The following DNAH10 variants were observed in gnomAD, a reference collection of about 807,000 sequenced individuals.
DNAH10 encodes the protein dynein axonemal heavy chain 10.
DNAH10 carries 348 observed loss-of-function variants against 506.6 expected under a neutral mutation model. The observed-to-expected ratio is 0.69, with a 90% CI of 0.63 to 0.75. DNAH10 has a LOEUF of 0.75. DNAH10 is among the 30% of genes least tolerant of loss of function. The pLI is 0.00. For synonymous variants in DNAH10, 2,059 were observed against 2,198.6 expected (o/e 0.94, Z 1.78); for missense variants, 5,179 against 5,787.1 (o/e 0.89, Z 3.41).
intron 54 of DNAH10, among the ~76,000 whole-genome samples, chr12:123,896,067 T>C (rs7303634): frequency 0.53 from 79,615 of 148,960 alleles, 22,636 homozygotes; most frequent in African/African-American, 0.75. Flanking sequence ...GAGCCGAGTT[T>C]GTGCCACTGC....
In DNAH10 at chr12:123,781,112, C is replaced by G; in HGVS notation, c.654C>G (p.His218Gln). ...VFLPALSFNQ[H>Q]RTSTTVGVTS... ...TGCCAGCATTGTCCTTCAATCAGCACAGGACGAGTACAACCGTGGGAGTCA... is the reference window on the plus strand; with the variant it reads ...TGCCAGCATTGTCCTTCAATCAGCAGAGGACGAGTACAACCGTGGGAGTCA... The change falls in exon 6 of 79, where the codon CAC becomes CAG. Residue 218 changes from histidine to glutamine, a missense_variant. Around this residue, in one of 3 missense-constraint regions of DNAH10, gnomAD observed 326 missense variants for 330.8 expected, o/e 0.99. Coordinates refer to ENST00000673944, the MANE Select transcript of DNAH10 (RefSeq NM_001372106.1). The G allele has an allele frequency of 2.5e-6, 4 of 1,613,626 alleles. No individual in the cohort carries two copies. The highest frequency in any genetic ancestry group is 3.4e-6 in the Non-Finnish European group (4 of 1,179,842).
rs769236329 is a variant in DNAH10 at position 123,787,660 on chromosome 12, C to T, written c.1422-144C>T. ...ACATGGGACAGGGCAGCCGCTTGCC[C>T]GCTCTGCCTTTTCCGATGAGGCCGT... On this transcript the variant is annotated intron_variant, in intron 9 of 78. Coordinates refer to ENST00000673944, the MANE Select transcript of DNAH10 (RefSeq NM_001372106.1). The surrounding 1 kb of genome is among the most constrained non-coding windows in gnomAD (Gnocchi z 4.6). 28 of 965,182 alleles carry T rather than the reference C, an allele frequency of 2.9e-5. No individual in the cohort carries two copies. The highest frequency in any genetic ancestry group is 4.3e-5 in the Non-Finnish European group (28 of 650,458). The allele number at this position is 965,182 out of a possible 1,614,324, so 59.8% of individuals were successfully genotyped here.
chr12:123,772,769 T>A, intron 3 of DNAH10, 65 bp from the exon 4 acceptor site: 1 of 1,222,954 alleles, frequency 8.2e-7, no homozygotes, highest in Non-Finnish European at 1.2e-6. Context: ...TGTACTTGAA[T>A]ATTAGGTTCT....
chr12:123,867,789 GT>G, intron 42 of DNAH10, 113 bp from the exon 43 acceptor site: 1 of 1,337,898 alleles, frequency 7.5e-7, no homozygotes, highest in Non-Finnish European at 1.0e-6. Context: ...GAACCAACAT[GT>G]TGGGTCTTAT....
At chr12:123,778,922 C>T (rs569139803) in intron 5 of DNAH10, among the ~76,000 whole-genome samples, 4 of 148,090 alleles carry the variant, frequency 2.7e-5, no homozygotes, top group South Asian at 2.1e-4. Context: ...TTTTTTGAGG[C>T]GGAGTCTCAC....
At position 123,771,630 on chromosome 12, in the gene DNAH10, C is replaced by G. The variant is rs1957256320; in HGVS notation, c.328C>G (p.Leu110Val). Residue 110 changes from leucine (L) to valine (V), a missense_variant, in exon 3 of 79, where the codon CTA (leucine) becomes GTA (valine). Leu to Val is a conservative substitution (Grantham distance 32). Around this residue, in one of 3 missense-constraint regions of DNAH10, gnomAD observed 326 missense variants for 330.8 expected, o/e 0.99. Transcript: ENST00000673944. The stretch of plus-strand genomic sequence containing the variant: ...GCGTGTGTCACTGAGAACCGAATCT[C>G]TAGGCCAACCTCTAAACAGAGAGGA... ...AKRVSLRTES[L>V]GQPLNREDEE... 6.2e-7 allele frequency: 1 copy of G among 1,613,588 alleles called. No individual in the cohort carries two copies. The highest frequency in any genetic ancestry group is 1.7e-5 in the Admixed American group (1 of 59,946).
At chr12:123,764,637 A>G (rs768041550) in intron 1 of DNAH10, among the ~76,000 whole-genome samples, 11 of 152,116 alleles carry the variant, frequency 7.2e-5, no homozygotes, top group Non-Finnish European at 1.2e-4. Flanking sequence ...TCCAGTGTGG[A>G]AGCAGAGTTC....
intron 12 of DNAH10, among the ~76,000 whole-genome samples, chr12:123,796,433 G>A (rs1191632215): frequency 6.6e-6 from 1 of 151,660 alleles, no homozygotes; most frequent in African/African-American, 2.4e-5. Context: ...CTCCAGCCTG[G>A]GCAACAGCGC....
rs956156729 is a variant in DNAH10 at position 123,919,378 on chromosome 12, G to A, written c.11506+429G>A. On this transcript the variant is annotated intron_variant, in intron 65 of 78. Transcript: ENST00000673944. The surrounding 1 kb of genome is among the most constrained non-coding windows in gnomAD (Gnocchi z 4.9). ...GGTGTGAGCCATCATGCCCAGCTCC[G>A]AATGGCATTCTTGAGTCTGGCGATT... Among the ~76,000 whole-genome samples, 1 of 152,102 alleles carries A rather than the reference G, an allele frequency of 6.6e-6. No homozygotes were observed. Among genetic ancestry groups the A allele is most frequent in the African/African-American group, 2.4e-5 (1 of 41,418 alleles).
Position 123,767,927 on chromosome 12 carries a change from C to T in DNAH10, c.298+238C>T, listed in dbSNP as rs189329384. Reference sequence around the variant, plus strand: ...TGTATTCTCTCACAACTCTGGAGGCCGGAACTCCAAAATCAAGGTGCTGGC... The same window carrying T: ...TGTATTCTCTCACAACTCTGGAGGCTGGAACTCCAAAATCAAGGTGCTGGC... On this transcript the variant is annotated intron_variant, in intron 2 of 78. Transcript: ENST00000673944. 7.2e-5 allele frequency among the ~76,000 whole-genome samples: 11 copies of T among 152,268 alleles called. 1 individual carries two copies. In the East Asian group the frequency reaches 9.7e-4, roughly 13 times the overall value.
intron 52 of DNAH10, among the ~76,000 whole-genome samples, chr12:123,891,729 C>G (rs906136158): frequency 7.9e-5 from 12 of 152,146 alleles, no homozygotes; most frequent in African/African-American, 2.9e-4. Flanking sequence ...TTGAATATCC[C>G]CAAGACCATC....
Position 123,913,276 on chromosome 12 carries a change from C to T in DNAH10, c.10313C>T (p.Ala3438Val). 6.2e-7 allele frequency: 1 copy of T among 1,605,556 alleles called. No individual in the cohort carries two copies. The highest frequency in any genetic ancestry group is 1.1e-5 in the South Asian group (1 of 89,498). The change falls in exon 60 of 79, where the codon GCA becomes GTA. Residue 3438 changes from alanine (A) to valine (V), a missense_variant. Transcript: ENST00000673944. The surrounding 1 kb of genome is among the most constrained non-coding windows in gnomAD (Gnocchi z 5.1). ...AEIMERRLIA[A>V]DKLISGLGSE... is the part of the protein sequence containing the mutation. ...ATCATGGAGAGGCGGCTGATTGCCG[C>T]AGACAAACTCATCTCGGGTCTGGGG...
chr12:123,923,773 G>A lies in DNAH10; in HGVS notation c.11517G>A (p.Glu3839=), dbSNP rs78388399. The change falls in exon 66 of 79, where the codon GAG becomes GAA. Residue 3839 remains glutamate, a synonymous_variant. Transcript: ENST00000673944. ...GATGTTTCCCTCCAGGGCTGTTTGA[G>A]AGGCACAAGCTACTCTTTTCTTTTA... ...IYNHGCTGLF[E]RHKLLFSFNM... 672 of 1,607,246 alleles carry A rather than the reference G, an allele frequency of 4.2e-4. 9 individuals are homozygous for A. The East Asian group carries it at 0.013, about 31-fold the overall frequency.
At position 123,813,903 on chromosome 12, in the gene DNAH10, T is replaced by A; in HGVS notation, c.3771T>A (p.Tyr1257Ter). Reference sequence around the variant, plus strand: ...AGCGATACCGTACCATGGCAATGTATAACCTCTTTGTAAGTCAACTTGTAT... The same window carrying A: ...AGCGATACCGTACCATGGCAATGTAAAACCTCTTTGTAAGTCAACTTGTAT... ...VQERYRTMAM[Y>*]NLFPPDAEKE... Residue 1257 changes from tyrosine (Y) to a stop codon, truncating the protein, a stop_gained, in exon 21 of 79, where the codon TAT becomes TAA. Transcript: ENST00000673944. LOFTEE classifies it high-confidence loss of function. The A allele has an allele frequency of 6.3e-7, 1 of 1,583,610 alleles. No homozygotes were observed. Among genetic ancestry groups the A allele is most frequent in the Non-Finnish European group, 8.5e-7 (1 of 1,171,418 alleles).
chr12:123,891,944 T>C (rs936243552), intron 52 of DNAH10, among the ~76,000 whole-genome samples: 4 of 152,156 alleles, frequency 2.6e-5, no homozygotes, highest in African/African-American at 9.7e-5. Context: ...CAACATTGAG[T>C]TGTGGCAACT....
chr12:123,820,284 G>A (rs992116299), intron 23 of DNAH10, among the ~76,000 whole-genome samples: 1 of 152,088 alleles, frequency 6.6e-6, no homozygotes, highest in African/African-American at 2.4e-5. Context: ...TTCTCAAGGG[G>A]GCGGCAAAGG....
chr12:123,811,870 G>A (rs1160915116), intron 19 of DNAH10, among the ~76,000 whole-genome samples: 2 of 150,612 alleles, frequency 1.3e-5, no homozygotes, highest in Non-Finnish European at 3.0e-5. Context: ...ATCTCTTGAT[G>A]TCGTGATCTG....
At chr12:123,829,222 A>G (rs1260364095) in intron 25 of DNAH10, among the ~76,000 whole-genome samples, 1 of 152,134 alleles carries the variant, frequency 6.6e-6, no homozygotes, top group Non-Finnish European at 1.5e-5. Context: ...AGGAAGTAAC[A>G]GGTTCATTCT....
At chr12:123,802,187 G>A (rs570200994) in intron 16 of DNAH10, among the ~76,000 whole-genome samples, 78 of 152,336 alleles carry the variant, frequency 5.1e-4, no homozygotes, top group African/African-American at 1.8e-3. Flanking sequence ...TAGGAATAAA[G>A]CTGCTATAAA....
Sources: gnomAD v4.1 joint callset for allele counts (sites outside exome capture counted in the v4.1 genomes callset) on GRCh38, gnomAD v4.1.1 for gene constraint, gnomAD v4.1.1 regional missense constraint, Gnocchi (gnomAD v3.1) non-coding constraint, MANE v1.5 for transcripts, NCBI Gene and HGNC (gene_info 2026-07-23, HGNC 2026-07-21) for gene names.